CCDC3: variants seen among roughly 807,000 people sequenced by gnomAD.
The protein encoded by CCDC3 is coiled-coil domain-containing protein 3.
Under a neutral mutation model 21.4 loss-of-function variants are expected in CCDC3, and 24 were observed. The observed-to-expected ratio is 1.12, with a 90% confidence interval of 0.81 to 1.58. CCDC3 has a LOEUF of 1.58. Ranked by LOEUF, CCDC3 falls within the 40% of genes most tolerant of loss-of-function variation. The pLI is 0.00. For synonymous variants in CCDC3, 186 were observed against 166.0 expected, an observed-to-expected ratio of 1.12 and a Z score of -0.93; for missense variants, 425 against 360.9, an observed-to-expected ratio of 1.18 and a Z score of -1.44.
intron 5 of CCDC3, among the ~76,000 whole-genome samples, chr10:13,007,624 C>T (rs1835940301): frequency 6.6e-6 from 1 of 152,182 alleles, no homozygotes; most frequent in South Asian, 2.1e-4. Flanking sequence ...ATTATGACTA[C>T]AATTGCCTTA....
chr10:13,075,285 AT>A (rs1176699463), intron 3 of CCDC3, among the ~76,000 whole-genome samples: 1 of 152,152 alleles, frequency 6.6e-6, no homozygotes, highest in Non-Finnish European at 1.5e-5. Context: ...GTATCACTGT[AT>A]CCCCAGCATC....
intron 3 of CCDC3, among the ~76,000 whole-genome samples, chr10:13,093,558 T>C (rs1832600813): frequency 6.6e-6 from 1 of 152,126 alleles, no homozygotes; most frequent in Admixed American, 6.5e-5. Flanking sequence ...ATACCAAATA[T>C]AAGAAATGAA....
At chr10:12,947,418 G>A (rs898197467) in intron 2 of CCDC3, among the ~76,000 whole-genome samples, 1 of 152,182 alleles carries the variant, frequency 6.6e-6, no homozygotes, top group Admixed American at 6.5e-5. Flanking sequence ...AAAGTGCTGA[G>A]ATTACAGGCG....
At chr10:12,961,044 G>A (rs376926001) in intron 2 of CCDC3, among the ~76,000 whole-genome samples, 5 of 152,266 alleles carry the variant, frequency 3.3e-5, no homozygotes, top group Middle Eastern at 3.4e-3. Flanking sequence ...CAAGACATGC[G>A]CCTTTCCCTT....
intron 2 of CCDC3, among the ~76,000 whole-genome samples, chr10:12,951,269 G>A (rs563504329): frequency 1.3e-5 from 2 of 152,042 alleles, no homozygotes; most frequent in South Asian, 4.2e-4. Flanking sequence ...CCAGGTACTC[G>A]GGAGGCTGAA....
At chr10:12,974,455 C>T (rs1835386892) in intron 2 of CCDC3, among the ~76,000 whole-genome samples, 1 of 152,200 alleles carries the variant, frequency 6.6e-6, no homozygotes, top group East Asian at 1.9e-4. Flanking sequence ...ATGGGGCTGA[C>T]TGCGGGTTGA....
At chr10:12,977,495 A>G (rs1835434617) in intron 2 of CCDC3, among the ~76,000 whole-genome samples, 1 of 152,174 alleles carries the variant, frequency 6.6e-6, no homozygotes, top group Admixed American at 6.5e-5. Context: ...GCTGATTGCA[A>G]AGTTAACAAC....
intron 4 of CCDC3, among the ~76,000 whole-genome samples, chr10:13,050,254 A>T (rs1836586883): frequency 6.6e-6 from 1 of 152,044 alleles, no homozygotes; most frequent in Non-Finnish European, 1.5e-5. Flanking sequence ...TGGAAGCCTC[A>T]TTTACACACA....
At chr10:12,974,541 G>C (rs978831556) in intron 2 of CCDC3, among the ~76,000 whole-genome samples, 2 of 152,210 alleles carry the variant, frequency 1.3e-5, no homozygotes, top group Admixed American at 1.3e-4. Flanking sequence ...CCTAAACTCA[G>C]CCTCCTTTCA....
intron 2 of CCDC3, among the ~76,000 whole-genome samples, chr10:12,942,558 C>T (rs1834849411): frequency 6.6e-6 from 1 of 152,150 alleles, no homozygotes; most frequent in African/African-American, 2.4e-5. Flanking sequence ...CATGGACGCC[C>T]TATCTTCCCT....
intron 3 of CCDC3, among the ~76,000 whole-genome samples, chr10:13,082,173 T>C (rs1588419272): frequency 6.6e-6 from 1 of 151,850 alleles, no homozygotes; most frequent in African/African-American, 2.4e-5. Context: ...TGGAGACTGA[T>C]AGTGACCCCA....
intron 4 of CCDC3, among the ~76,000 whole-genome samples, chr10:13,073,231 G>A (rs1296324163): frequency 1.3e-5 from 2 of 151,998 alleles, no homozygotes; most frequent in African/African-American, 2.4e-5. Context: ...CCATTTTACC[G>A]GGGCAAACTA....
At chr10:12,901,952 G>A (rs1342313485) in intron 2 of CCDC3, among the ~76,000 whole-genome samples, 1 of 152,148 alleles carries the variant, frequency 6.6e-6, no homozygotes, top group East Asian at 1.9e-4. Context: ...CATCTTGGAA[G>A]CCCTCTGTGG....
At chr10:13,040,411 G>C (rs182316553) in intron 5 of CCDC3, among the ~76,000 whole-genome samples, 1 of 152,278 alleles carries the variant, frequency 6.6e-6, no homozygotes, top group Admixed American at 6.5e-5. Context: ...ATCCGCAAAA[G>C]TAAACAGCTG....
At chr10:12,942,640 A>G (rs79619228) in intron 2 of CCDC3, among the ~76,000 whole-genome samples, 7,072 of 152,284 alleles carry the variant, frequency 0.046, 205 homozygotes, top group Non-Finnish European at 0.07. Flanking sequence ...CCCCATCTGC[A>G]TAATAAAAGA....
At chr10:12,916,687 C>T (rs1834363618) in intron 2 of CCDC3, among the ~76,000 whole-genome samples, 2 of 152,150 alleles carry the variant, frequency 1.3e-5, no homozygotes, top group South Asian at 4.1e-4. Context: ...GGCTCAAAGC[C>T]TGGAGCCAAG....
At chr10:13,077,422 T>G (rs1299090838) in intron 3 of CCDC3, among the ~76,000 whole-genome samples, 1 of 152,118 alleles carries the variant, frequency 6.6e-6, no homozygotes, top group Non-Finnish European at 1.5e-5. Flanking sequence ...ATCGTGAAAA[T>G]GGCCATACTG....
intron 2 of CCDC3, among the ~76,000 whole-genome samples, chr10:12,913,747 C>T (rs1426296743): frequency 6.6e-6 from 1 of 152,192 alleles, no homozygotes; most frequent in Non-Finnish European, 1.5e-5. Context: ...TGTGTTGAGA[C>T]ACATTCCTTC....
At chr10:12,954,249 A>T (rs571608204) in intron 2 of CCDC3, among the ~76,000 whole-genome samples, 1 of 152,338 alleles carries the variant, frequency 6.6e-6, no homozygotes, top group Non-Finnish European at 1.5e-5. Flanking sequence ...CTAGTAGTTT[A>T]CCCAGAATGC....
Sources: allele counts gnomAD v4.1 joint callset (sites outside exome capture counted in the v4.1 genomes callset), GRCh38; gene constraint gnomAD v4.1.1; transcripts MANE v1.5; gene names NCBI Gene and HGNC (gene_info 2026-07-23, HGNC 2026-07-21).